NPAS3: variants seen among roughly 807,000 people sequenced by gnomAD.
The protein encoded by NPAS3 is neuronal PAS domain-containing protein 3.
Under a neutral mutation model 73.1 loss-of-function variants are expected in NPAS3, and 14 were observed. That is an observed-to-expected ratio of 0.19 (90% CI 0.13 to 0.30). The LOEUF is 0.30. Ranked by LOEUF, NPAS3 falls within the 10% of genes least tolerant of loss-of-function variation. The probability of loss-of-function intolerance (pLI) is 1.00; values close to 1 mark genes in which losing one functional copy is unlikely to be tolerated. For synonymous variants in NPAS3, 620 were observed against 541.5 expected, an observed-to-expected ratio of 1.14 and a Z score of -2.01; for missense variants, 1,096 against 1,250.0, an observed-to-expected ratio of 0.88 and a Z score of 1.86.
At chr14:33,269,406 G>T (rs2040968616) in intron 3 of NPAS3, among the ~76,000 whole-genome samples, 1 of 152,068 alleles carries the variant, frequency 6.6e-6, no homozygotes, top group South Asian at 2.1e-4. Context: ...GGCAGAGCTG[G>T]GATTTGAACT....
chr14:33,055,664 T>A (rs549871995), intron 1 of NPAS3, among the ~76,000 whole-genome samples: 55 of 145,758 alleles, frequency 3.8e-4, no homozygotes, highest in Middle Eastern at 3.5e-3. Flanking sequence ...CTCTGAGATT[T>A]AAAAAAAAAA....
intron 3 of NPAS3, among the ~76,000 whole-genome samples, chr14:33,334,600 G>A (rs1354825160): frequency 6.6e-6 from 1 of 152,056 alleles, no homozygotes; most frequent in Non-Finnish European, 1.5e-5. Context: ...GGTTCCCCAG[G>A]GACATCTTTC....
chr14:33,511,838 T>C (rs1045106210), intron 4 of NPAS3, among the ~76,000 whole-genome samples: 4 of 152,086 alleles, frequency 2.6e-5, no homozygotes, highest in Admixed American at 2.6e-4. Flanking sequence ...TTTGGTTTTG[T>C]AGCATTCTAC....
chr14:33,062,309 AAAAG>A (rs1401528123), intron 2 of NPAS3, among the ~76,000 whole-genome samples: 2 of 152,136 alleles, frequency 1.3e-5, no homozygotes, highest in African/African-American at 2.4e-5. Flanking sequence ...AAGAAAAAAA[AAAAG>A]AAGGAATGTG....
intron 10 of NPAS3, among the ~76,000 whole-genome samples, chr14:33,795,477 G>C (rs1297171291): frequency 1.3e-5 from 2 of 152,182 alleles, no homozygotes; most frequent in Non-Finnish European, 2.9e-5. Flanking sequence ...TCACATGCCA[G>C]ACAGAAAATG....
At chr14:33,794,122 G>A (rs994626056) in intron 10 of NPAS3, 78 bp downstream of exon 10, 31 of 1,240,524 alleles carry the variant, frequency 2.5e-5, no homozygotes, top group African/African-American at 1.0e-4. Context: ...GTTAATAGCC[G>A]ACATGTTGTG....
At chr14:33,739,312 T>C (rs1248857499) in intron 7 of NPAS3, among the ~76,000 whole-genome samples, 1 of 152,192 alleles carries the variant, frequency 6.6e-6, no homozygotes, top group African/African-American at 2.4e-5. Flanking sequence ...GATTTACCTG[T>C]AGCTAGGTAC....
chr14:33,194,575 T>C (rs2139529208), intron 2 of NPAS3, among the ~76,000 whole-genome samples: 1 of 152,328 alleles, frequency 6.6e-6, no homozygotes, highest in South Asian at 2.1e-4. Context: ...GCCTTTTTCT[T>C]AGTATTTATA....
intron 2 of NPAS3, among the ~76,000 whole-genome samples, chr14:33,195,679 T>C (rs923961207): frequency 6.6e-6 from 1 of 152,234 alleles, no homozygotes; most frequent in African/African-American, 2.4e-5. Context: ...AGTAACTGTT[T>C]TGTGCTCTGC....
At chr14:33,767,595 T>C (rs1449302529) in intron 7 of NPAS3, among the ~76,000 whole-genome samples, 1 of 90,522 alleles carries the variant, frequency 1.1e-5, no homozygotes, top group Non-Finnish European at 2.1e-5. Flanking sequence ...CCAGGGACTC[T>C]TGTCTTTTTT....
At chr14:33,515,719 T>A (rs1302837432) in intron 4 of NPAS3, among the ~76,000 whole-genome samples, 1 of 152,114 alleles carries the variant, frequency 6.6e-6, no homozygotes, top group Non-Finnish European at 1.5e-5. Flanking sequence ...CTGTTGTTCT[T>A]AACCACTCAA....
chr14:33,801,002 G>C (rs1295746585), exon 12 of NPAS3: 3 of 1,588,268 alleles, frequency 1.9e-6, no homozygotes, highest in Non-Finnish European at 2.6e-6. Context: ...GCAGATGCCC[G>C]CCGGCAACGT....
chr14:32,968,508 C>T (rs1017743078), intron 1 of NPAS3, among the ~76,000 whole-genome samples: 1 of 152,074 alleles, frequency 6.6e-6, no homozygotes, highest in Non-Finnish European at 1.5e-5. Flanking sequence ...TTAACTATAT[C>T]AATGAATTCA....
chr14:33,459,867 CGTTCT>C (rs2050181910), intron 4 of NPAS3, among the ~76,000 whole-genome samples: 1 of 149,112 alleles, frequency 6.7e-6, no homozygotes, highest in African/African-American at 2.5e-5. Flanking sequence ...TATAATAATC[CGTTCT>C]CTTCTCTTTC....
chr14:33,201,106 A>G (rs985134283), intron 2 of NPAS3, among the ~76,000 whole-genome samples: 3 of 152,248 alleles, frequency 2.0e-5, no homozygotes, highest in African/African-American at 7.2e-5. Context: ...GAAATCAAAT[A>G]GAAGAAAATG....
At chr14:33,252,620 A>G (rs1313372219) in intron 3 of NPAS3, among the ~76,000 whole-genome samples, 2 of 150,490 alleles carry the variant, frequency 1.3e-5, no homozygotes, top group East Asian at 3.9e-4. Context: ...ATGTTATTTG[A>G]TTTCTGAAAA....
chr14:33,179,926 G>A (rs866241903), intron 2 of NPAS3, among the ~76,000 whole-genome samples: 1 of 152,202 alleles, frequency 6.6e-6, no homozygotes, highest in South Asian at 2.1e-4. Flanking sequence ...ATTCTTCTAT[G>A]TAAATATTAT....
chr14:33,795,508 G>A (rs2063486737), intron 10 of NPAS3, among the ~76,000 whole-genome samples: 1 of 152,200 alleles, frequency 6.6e-6, no homozygotes, highest in Non-Finnish European at 1.5e-5. Context: ...TTGTGGCACT[G>A]ACATTCTTTT....
At chr14:32,953,614 C>T (rs554463345) in intron 1 of NPAS3, among the ~76,000 whole-genome samples, 1 of 152,246 alleles carries the variant, frequency 6.6e-6, no homozygotes, top group Admixed American at 6.5e-5. Flanking sequence ...TTTTACTCTG[C>T]TTGCAAGCCA....
Sources: allele counts gnomAD v4.1 joint callset (sites outside exome capture counted in the v4.1 genomes callset), GRCh38; gene constraint gnomAD v4.1.1; transcripts MANE v1.5; gene names NCBI Gene and HGNC (gene_info 2026-07-23, HGNC 2026-07-21).